The following GSS variants were observed in gnomAD, a reference collection of about 807,000 sequenced individuals.
GSS encodes GSH synthetase.
GSS carries 34 observed loss-of-function variants against 60.4 expected under a neutral mutation model. The ratio of observed to expected loss-of-function variants is 0.56; its 90% CI spans 0.43 to 0.75. The LOEUF is 0.75. Among genes scored for constraint, GSS ranks in the 30% least tolerant of loss-of-function variants. The pLI, the probability that GSS is intolerant of heterozygous loss-of-function variation, is 0.00. For synonymous variants in GSS, 224 were observed against 239.0 expected (o/e 0.94, Z 0.58); for missense variants, 499 against 595.1 (o/e 0.84, Z 1.68).
At chr20:34,946,692 C>T (rs866572917) in intron 2 of GSS, 15 of 152,310 alleles carry the variant, frequency 9.8e-5, no homozygotes, top group African/African-American at 3.4e-4. Context: ...GGAGCTCACA[C>T]TCCAGTTTCC....
At chr20:34,952,066 A>G (rs539762798) in intron 1 of GSS, 50 of 615,050 alleles carry the variant, frequency 8.1e-5, no homozygotes, top group Middle Eastern at 8.7e-4. Context: ...AAGCATTTCC[A>G]TTGCCACTCT....
At chr20:34,941,442 T>C (rs781200236) in intron 6 of GSS, among the ~76,000 whole-genome samples, 1 of 152,080 alleles carries the variant, frequency 6.6e-6, no homozygotes. Flanking sequence ...CGTGCCTCTC[T>C]AACCCTAGGT....
intron 10 of GSS, 178 bp from the exon 11 acceptor site, chr20:34,931,595 C>T: frequency 1.5e-6 from 1 of 686,890 alleles, no homozygotes; most frequent in Non-Finnish European, 2.6e-6. Flanking sequence ...CCTGCAGCAG[C>T]CGATGCAATG....
chr20:34,948,782 C>A (rs891206576), intron 2 of GSS, among the ~76,000 whole-genome samples: 59 of 136,074 alleles, frequency 4.3e-4, no homozygotes, highest in African/African-American at 4.7e-4. Flanking sequence ...GACTCTGTCT[C>A]AAAAAAAAAA....
At chr20:34,932,947 G>C (rs1235150248) in intron 9 of GSS, among the ~76,000 whole-genome samples, 1 of 152,030 alleles carries the variant, frequency 6.6e-6, no homozygotes, top group East Asian at 1.9e-4. Flanking sequence ...CTGGGCTCAA[G>C]TGATCCTCCC....
intron 1 of GSS, among the ~76,000 whole-genome samples, chr20:34,953,620 C>CTT (rs748249699): frequency 2.0e-4 from 22 of 108,898 alleles, no homozygotes; most frequent in South Asian, 6.5e-4. Flanking sequence ...CTCTTTCTTT[C>CTT]TTTTTTTTTT....
chr20:34,942,303 T>C (rs202085934), intron 5 of GSS, among the ~76,000 whole-genome samples, 185 bp downstream of exon 5: 1 of 152,116 alleles, frequency 6.6e-6, no homozygotes, highest in East Asian at 1.9e-4. Flanking sequence ...TGAGGTCCTT[T>C]TTCTCCCTGA....
chr20:34,951,347 C>A (rs2081566703), intron 2 of GSS: 2 of 227,702 alleles, frequency 8.8e-6, no homozygotes, highest in Admixed American at 5.1e-5. Flanking sequence ...ATATCACAAA[C>A]CAGTTACAGA....
intron 1 of GSS, chr20:34,955,147 ACAT>A: frequency 6.6e-6 from 1 of 152,070 alleles, no homozygotes; most frequent in Non-Finnish European, 1.5e-5. Context: ...CCGGGCTTCT[ACAT>A]TCTACAGCCC....
chr20:34,940,850 T>C (rs1322186859), intron 6 of GSS, among the ~76,000 whole-genome samples: 1 of 152,122 alleles, frequency 6.6e-6, no homozygotes, highest in African/African-American at 2.4e-5. Context: ...TACCATAAAA[T>C]TTCGTAGTCA....
chr20:34,931,559 A>G, intron 10 of GSS, 142 bp from the exon 11 acceptor site: 1 of 735,936 alleles, frequency 1.4e-6, no homozygotes, highest in Admixed American at 2.0e-5. Flanking sequence ...GGATGCTACT[A>G]TCTGGATGAC....
In GSS at chr20:34,936,855, C is replaced by A. The variant is rs2081444446; in HGVS notation, c.690-15G>T. ...CATGGATGTTCCTGGGAAAAATGGG[C>A]AAGAGCCAGAGGGAATGGATGCTAT... is the stretch of plus-strand genomic sequence containing the variant. On this transcript the variant is annotated splice_polypyrimidine_tract_variant and intron_variant, in intron 7 of 12. Transcript: ENST00000651619. 6.2e-7 allele frequency: 1 copy of A among 1,613,188 alleles called. No individual in the cohort carries two copies. Among genetic ancestry groups the A allele is most frequent in the Non-Finnish European group, 8.5e-7 (1 of 1,179,238 alleles).
intron 9 of GSS, among the ~76,000 whole-genome samples, chr20:34,932,966 C>A (rs2081414015): frequency 6.6e-6 from 1 of 152,130 alleles, no homozygotes; most frequent in Admixed American, 6.5e-5. Flanking sequence ...CCTCCTCAGC[C>A]TCCCAAGTAG....
intron 11 of GSS, among the ~76,000 whole-genome samples, chr20:34,930,301 A>G (rs1310712803): frequency 6.6e-6 from 1 of 151,886 alleles, no homozygotes; most frequent in African/African-American, 2.4e-5. Context: ...CCAAATATTT[A>G]ATGCAGGCTC....
chr20:34,932,139 G>A lies in GSS; in HGVS notation c.835-6C>T. On this transcript the variant is annotated splice_polypyrimidine_tract_variant and splice_region_variant and intron_variant, in intron 9 of 12. Transcript: ENST00000651619. ...AGTAGACGTGCTTCCCAATTCTGCAGAGGGAAGAAGACAAAAGGAATTCGA... is the reference window on the plus strand; with the variant it reads ...AGTAGACGTGCTTCCCAATTCTGCAAAGGGAAGAAGACAAAAGGAATTCGA... 1 of 1,609,776 alleles carries A rather than the reference G, an allele frequency of 6.2e-7. No homozygotes were observed. Among genetic ancestry groups the A allele is most frequent in the East Asian group, 2.2e-5 (1 of 44,862 alleles).
chr20:34,938,815 C>T (rs1002069315), intron 6 of GSS, among the ~76,000 whole-genome samples: 4 of 152,212 alleles, frequency 2.6e-5, no homozygotes, highest in Non-Finnish European at 5.9e-5. Flanking sequence ...GCTAAGGACG[C>T]ATGCGGGCTG....
rs1478102903 is a variant in GSS, at chr20:34,935,629, T to C, written c.781A>G (p.Ile261Val). 6.2e-7 allele frequency: 1 copy of C among 1,612,232 alleles called. No homozygotes were observed. Among genetic ancestry groups the C allele is most frequent in the Admixed American group, 1.7e-5 (1 of 60,018 alleles). ...CCATCCCGGAAGTAAACCACAGCAA[T>C]TTCCTGGCCATCCCTGGAACACAGG... ...DRRLFVDGQE[I>V]AVVYFRDGYM... Residue 261 changes from isoleucine to valine, a missense_variant, in exon 9 of 13, where the codon ATT (isoleucine) becomes GTT (valine). Coordinates refer to ENST00000651619, the MANE Select transcript of GSS (RefSeq NM_000178.4).
chr20:34,929,494 G>A lies in GSS; in HGVS notation c.1208C>T (p.Pro403Leu). ...TAGCAGGCAATTCTCAAAAGGCTCA[G>A]GTTCGATCTTCTCCATGAGGATGTA... is the stretch of plus-strand genomic sequence containing the variant. The part of the protein sequence containing the change: ...ASYILMEKIE[P>L]EPFENCLLRP... The change falls in exon 12 of 13, where the codon CCT becomes CTT. Residue 403 changes from proline to leucine, a missense_variant. Transcript: ENST00000651619. The A allele has an allele frequency of 6.2e-7, 1 of 1,613,986 alleles. No individual in the cohort carries two copies. Among genetic ancestry groups the A allele is most frequent in the South Asian group, 1.1e-5 (1 of 91,072 alleles).
chr20:34,933,005 C>A (rs1255523526), intron 9 of GSS, among the ~76,000 whole-genome samples: 4 of 152,070 alleles, frequency 2.6e-5, no homozygotes, highest in African/African-American at 9.7e-5. Flanking sequence ...GCCACCACAC[C>A]CAGCTAATTT....
Sources: allele counts gnomAD v4.1 joint callset (sites outside exome capture counted in the v4.1 genomes callset), GRCh38; gene constraint gnomAD v4.1.1; transcripts MANE v1.5; gene names NCBI Gene and HGNC (gene_info 2026-07-23, HGNC 2026-07-21).